FHIT: variants seen among roughly 807,000 people sequenced by gnomAD.
The protein encoded by FHIT is bis(5'-adenosyl)-triphosphatase.
In FHIT, 19 loss-of-function variants were observed where a neutral mutation model predicts 17.9. The observed-to-expected ratio is 1.06, with a 90% CI of 0.74 to 1.56. The LOEUF (loss-of-function observed/expected upper bound fraction) is 1.56, where lower values mean the gene tolerates loss of function less well. Ranked by LOEUF, FHIT falls within the 40% of genes most tolerant of loss-of-function variation. The probability of loss-of-function intolerance (pLI) is 0.00; values close to 1 mark genes in which losing one functional copy is unlikely to be tolerated. For missense variants in FHIT, 248 were observed against 189.2 expected (o/e 1.31, Z -1.82); for synonymous variants, 81 against 69.7 (o/e 1.16, Z -0.81).
At chr3:60,938,769 T>G (rs1708294022) in intron 3 of FHIT, among the ~76,000 whole-genome samples, 1 of 152,194 alleles carries the variant, frequency 6.6e-6, no homozygotes, top group African/African-American at 2.4e-5. Context: ...TCTCCAAGTT[T>G]CTCACAGGAG....
At chr3:59,785,199 A>T (rs952647094) in intron 8 of FHIT, among the ~76,000 whole-genome samples, 2 of 152,160 alleles carry the variant, frequency 1.3e-5, no homozygotes, top group Non-Finnish European at 2.9e-5. Context: ...TAGGTATTAC[A>T]ATTCGACATG....
At chr3:60,714,934 C>T (rs1161369351) in intron 4 of FHIT, among the ~76,000 whole-genome samples, 1 of 152,272 alleles carries the variant, frequency 6.6e-6, no homozygotes, top group Middle Eastern at 3.4e-3. Context: ...GAAAAAACTA[C>T]TTTAAAGTTC....
chr3:60,536,635 C>T (rs369710300), intron 5 of FHIT: 112 of 428,302 alleles, frequency 2.6e-4, no homozygotes, highest in African/African-American at 2.1e-3. Flanking sequence ...AGCAACTCTC[C>T]TCAGAAGTTC....
chr3:59,785,814 G>C (rs1227453816), intron 8 of FHIT, among the ~76,000 whole-genome samples: 2 of 152,202 alleles, frequency 1.3e-5, no homozygotes, highest in Non-Finnish European at 2.9e-5. Flanking sequence ...TAAGAAGGTG[G>C]AGTGGGCAGG....
intron 3 of FHIT, among the ~76,000 whole-genome samples, chr3:60,985,992 C>T (rs1390350445): frequency 6.6e-6 from 1 of 152,196 alleles, no homozygotes; most frequent in East Asian, 1.9e-4. Context: ...GTCCTCAGAA[C>T]TCCTACTACT....
At chr3:60,885,263 T>C (rs1187779620) in intron 3 of FHIT, among the ~76,000 whole-genome samples, 1 of 152,198 alleles carries the variant, frequency 6.6e-6, no homozygotes. Flanking sequence ...TTACCTTGAT[T>C]TGATCATTGC....
chr3:60,873,165 G>A (rs997611592), intron 3 of FHIT, among the ~76,000 whole-genome samples: 5 of 151,892 alleles, frequency 3.3e-5, no homozygotes, highest in African/African-American at 1.2e-4. Flanking sequence ...GAGAGAGTGA[G>A]AGATCACACT....
intron 3 of FHIT, among the ~76,000 whole-genome samples, chr3:60,941,504 C>T (rs1553774520): frequency 6.6e-6 from 1 of 152,132 alleles, no homozygotes; most frequent in African/African-American, 2.4e-5. Context: ...TACGGAGGTC[C>T]CCTCTGCTCT....
At position 61,014,779 on chromosome 3, in the gene FHIT, CAAAAAAAAAAA is replaced by C. The variant is rs869289360; in HGVS notation, c.-111+27257_-111+27267del. On this transcript the variant is annotated intron_variant, in intron 3 of 9. Coordinates refer to ENST00000492590, the MANE Select transcript of FHIT (RefSeq NM_002012.4). The stretch of plus-strand genomic sequence containing the variant: ...TGGGTGACAGAGCGAGACTCTGCCT[CAAAAAAAAAAA>C]AAAAAAAAAAAAAAAAAATATATAT... Among the ~76,000 whole-genome samples the C allele has an allele frequency of 2.7e-4, 18 of 65,800 alleles. No homozygotes were observed. In the South Asian group the frequency reaches 4.7e-3, roughly 17 times the overall value. The allele number at this position is 65,800 out of a possible 152,430, so 43.2% of individuals were successfully genotyped here. A position where few individuals can be genotyped will look rare whatever the true frequency, so the allele number is the denominator to read the frequency against.
At chr3:60,769,029 A>C (rs546880425) in intron 4 of FHIT, among the ~76,000 whole-genome samples, 4 of 152,156 alleles carry the variant, frequency 2.6e-5, no homozygotes, top group African/African-American at 9.7e-5. Flanking sequence ...CAAATGTTTT[A>C]TTCACCTTGA....
intron 8 of FHIT, among the ~76,000 whole-genome samples, chr3:59,876,425 G>A (rs1332892684): frequency 2.2e-5 from 3 of 135,316 alleles, no homozygotes; most frequent in African/African-American, 8.4e-5. Context: ...GGGCCACTGG[G>A]ACAGGGGCAG....
At chr3:61,197,440 C>T (rs1362959294) in intron 2 of FHIT, among the ~76,000 whole-genome samples, 1 of 152,052 alleles carries the variant, frequency 6.6e-6, no homozygotes, top group African/African-American at 2.4e-5. Flanking sequence ...TATTTATTCA[C>T]AGTAGGAGTG....
chr3:60,879,942 G>T (rs1336595898), intron 3 of FHIT, among the ~76,000 whole-genome samples: 2 of 146,384 alleles, frequency 1.4e-5, no homozygotes, highest in African/African-American at 5.2e-5. Context: ...GTTCCAGAAG[G>T]AAAAGATGTA....
chr3:60,440,613 T>C (rs1452919421), intron 5 of FHIT, among the ~76,000 whole-genome samples: 1 of 152,232 alleles, frequency 6.6e-6, no homozygotes, highest in East Asian at 1.9e-4. Flanking sequence ...TCACAGGTCA[T>C]GTAAACTCAT....
Position 60,833,174 on chromosome 3 carries a change from C to T in FHIT, c.-110-11163G>A, listed in dbSNP as rs560614100. Among the ~76,000 whole-genome samples the T allele has an allele frequency of 7.2e-5, 11 of 152,196 alleles. 1 individual carries two copies. Among genetic ancestry groups the T allele is most frequent in the African/African-American group, 2.6e-4 (11 of 41,524 alleles). Reference sequence around the variant, plus strand: ...CCCATCATATTGTCTTTCACTTAAGCCCCGATTTTCATCATTATACCCATC... The same window carrying T: ...CCCATCATATTGTCTTTCACTTAAGTCCCGATTTTCATCATTATACCCATC... On this transcript the variant is annotated intron_variant, in intron 3 of 9. Coordinates refer to ENST00000492590, the MANE Select transcript of FHIT (RefSeq NM_002012.4).
At chr3:60,466,809 G>T (rs1412652799) in intron 5 of FHIT, among the ~76,000 whole-genome samples, 2 of 144,006 alleles carry the variant, frequency 1.4e-5, no homozygotes, top group African/African-American at 2.6e-5. Flanking sequence ...ATTCATCAGG[G>T]TTACTTGCCT....
chr3:60,974,307 A>G (rs1710145915), intron 3 of FHIT, among the ~76,000 whole-genome samples: 1 of 152,174 alleles, frequency 6.6e-6, no homozygotes. Context: ...TAAATATAAG[A>G]ATGTGACTCA....
intron 5 of FHIT, among the ~76,000 whole-genome samples, chr3:60,123,873 T>A (rs1165880278): frequency 6.8e-6 from 1 of 146,476 alleles, no homozygotes; most frequent in Admixed American, 6.9e-5. Context: ...CAACCTGGAA[T>A]GAGACACTTA....
intron 8 of FHIT, among the ~76,000 whole-genome samples, chr3:59,835,116 T>C (rs1056028880): frequency 6.6e-6 from 1 of 152,132 alleles, no homozygotes; most frequent in African/African-American, 2.4e-5. Context: ...AGAGTTATAA[T>C]CTCCTCTCAA....
Sources: gnomAD v4.1 joint callset for allele counts (sites outside exome capture counted in the v4.1 genomes callset) on GRCh38, gnomAD v4.1.1 for gene constraint, MANE v1.5 for transcripts, NCBI Gene and HGNC (gene_info 2026-07-23, HGNC 2026-07-21) for gene names.